COPB1: variants seen among roughly 807,000 people sequenced by gnomAD.
COPB1 encodes the protein coatomer subunit beta.
A neutral mutation model predicts 108.7 loss-of-function variants in COPB1; 21 were observed. The observed-to-expected ratio is 0.19, with a 90% CI of 0.14 to 0.28. COPB1 has a LOEUF of 0.28. Ranked by LOEUF, COPB1 falls within the 10% of genes least tolerant of loss-of-function variation. COPB1 has a pLI of 1.00. For synonymous variants in COPB1, 378 were observed against 386.8 expected, an observed-to-expected ratio of 0.98 and a Z score of 0.27; for missense variants, 919 against 1,141.3, an observed-to-expected ratio of 0.81 and a Z score of 2.81.
At chr11:14,484,529 C>G (rs1220198991) in intron 7 of COPB1, among the ~76,000 whole-genome samples, 2 of 152,094 alleles carry the variant, frequency 1.3e-5, no homozygotes, top group African/African-American at 2.4e-5. Context: ...ACCATTCTGG[C>G]CAACATGGTG....
chr11:14,472,812 CT>C (rs1340978717), intron 14 of COPB1, among the ~76,000 whole-genome samples: 1 of 152,194 alleles, frequency 6.6e-6, no homozygotes, highest in African/African-American at 2.4e-5. Context: ...TCAAACTCTT[CT>C]TCTGAAGCTT....
chr11:14,471,109 C>T (rs1850393539), intron 14 of COPB1, among the ~76,000 whole-genome samples: 2 of 152,068 alleles, frequency 1.3e-5, no homozygotes, highest in South Asian at 2.1e-4. Flanking sequence ...AAAAAATAGG[C>T]TTTTTCCAGA....
At chr11:14,496,470 T>G (rs1479565817) in intron 2 of COPB1, among the ~76,000 whole-genome samples, 1 of 152,078 alleles carries the variant, frequency 6.6e-6, no homozygotes, top group Admixed American at 6.6e-5. Flanking sequence ...CAGATAAAAT[T>G]AGATACCTAG....
intron 18 of COPB1, 89 bp from the exon 19 acceptor site, chr11:14,461,420 C>T (rs1282332465): frequency 2.3e-6 from 3 of 1,311,476 alleles, no homozygotes; most frequent in African/African-American, 1.5e-5. Context: ...AAGAACTACA[C>T]TATTAACAAT....
At chr11:14,471,201 T>TA (rs1850395326) in intron 14 of COPB1, among the ~76,000 whole-genome samples, 1 of 152,186 alleles carries the variant, frequency 6.6e-6, no homozygotes, top group South Asian at 2.1e-4. Context: ...AGATGTATGA[T>TA]ACCAGAAACT....
intron 6 of COPB1, among the ~76,000 whole-genome samples, chr11:14,487,143 C>T (rs1242282318): frequency 2.0e-5 from 3 of 152,134 alleles, no homozygotes; most frequent in Non-Finnish European, 2.9e-5. Context: ...ATTTCTATCC[C>T]ATTCTAAATG....
intron 17 of COPB1, 89 bp downstream of exon 17, chr11:14,466,193 T>C (rs1850276556): frequency 2.4e-6 from 3 of 1,263,140 alleles, no homozygotes; most frequent in African/African-American, 1.5e-5. Context: ...TTCAAGAGAA[T>C]TTTTATACTG....
At chr11:14,482,514 A>G (rs1850681549) in intron 8 of COPB1, among the ~76,000 whole-genome samples, 3 of 152,200 alleles carry the variant, frequency 2.0e-5, no homozygotes, top group African/African-American at 7.2e-5. Flanking sequence ...ATAAAAAAAT[A>G]TAATACTGAT....
rs1226794178 is a variant in COPB1, at chr11:14,458,604, G to A, written c.2730C>T (p.Ser910=). The change falls in exon 21 of 22, where the codon AGC becomes AGT. Residue 910 remains serine, a synonymous_variant. Coordinates refer to ENST00000439561, the MANE Select transcript of COPB1 (RefSeq NM_001144061.2). ...IFGEDALANV[S]IEKPIHQGPD... ...GTCCCTGGTGAATTGGCTTCTCAAT[G>A]CTGACATTTGCAAGTGCATCTTCAC... 1.2e-6 allele frequency: 2 copies of A among 1,613,812 alleles called. No homozygotes were observed. Among genetic ancestry groups the A allele is most frequent in the Admixed American group, 3.3e-5 (2 of 59,976 alleles).
At chr11:14,499,091 T>C in intron 1 of COPB1, 106 bp from the exon 2 acceptor site, 2 of 556,498 alleles carry the variant, frequency 3.6e-6, no homozygotes, top group East Asian at 3.1e-5. Flanking sequence ...GGTCAATCTA[T>C]ATCGTGTTCC....
chr11:14,474,150 C>T (rs997084539), intron 14 of COPB1: 4 of 172,592 alleles, frequency 2.3e-5, no homozygotes, highest in Admixed American at 5.7e-5. Flanking sequence ...CAGACAATGA[C>T]CGAATGGATG....
In COPB1 at chr11:14,462,681, AT is replaced by A. The variant is rs1163713282; in HGVS notation, c.2411-1351del. Among the ~76,000 whole-genome samples the A allele has an allele frequency of 2.6e-5, 4 of 152,296 alleles. No homozygotes were observed. The East Asian group carries it at 7.7e-4, about 29-fold the overall frequency. ...TCTCACATCCTTCCCTCTCATACGTATCAGAGAAGTACTACCTCATTTCTTC... is the reference window on the plus strand; with the variant it reads ...TCTCACATCCTTCCCTCTCATACGTACAGAGAAGTACTACCTCATTTCTTC... On this transcript the variant is annotated intron_variant, in intron 18 of 21. Transcript: ENST00000439561.
chr11:14,483,121 T>C lies in COPB1; in HGVS notation c.868A>G (p.Ile290Val). 1.3e-6 allele frequency: 2 copies of C among 1,587,122 alleles called. No homozygotes were observed. The highest frequency in any genetic ancestry group is 1.7e-6 in the Non-Finnish European group (2 of 1,159,044). ...AAAQCYIDLI[I>V]KESDNNVKLI... ...TTTACATTGTTGTCGCTCTCCTTAA[T>C]AATTAAATCAATGTAACACTGAGCA... Residue 290 changes from isoleucine (I) to valine (V), a missense_variant, in exon 8 of 22, where the codon ATT becomes GTT. Coordinates refer to ENST00000439561, the MANE Select transcript of COPB1 (RefSeq NM_001144061.2).
intron 17 of COPB1, among the ~76,000 whole-genome samples, chr11:14,465,735 G>A (rs1253041928): frequency 6.6e-6 from 1 of 152,106 alleles, no homozygotes; most frequent in Non-Finnish European, 1.5e-5. Context: ...CTTAACACTT[G>A]CATAAGCCAT....
chr11:14,468,638 G>T, intron 16 of COPB1, 43 bp downstream of exon 16: 1 of 1,565,986 alleles, frequency 6.4e-7, no homozygotes. Context: ...CTTCCTTAAG[G>T]AGTCGATTTA....
chr11:14,475,687 G>C (rs1042782762), intron 13 of COPB1, 98 bp downstream of exon 13: 1 of 1,249,062 alleles, frequency 8.0e-7, no homozygotes, highest in Admixed American at 2.9e-5. Context: ...TTTCATTTTG[G>C]TTGCAAAAGC....
At position 14,479,599 on chromosome 11, in the gene COPB1, A is replaced by G; in HGVS notation, c.1328T>C (p.Leu443Pro). 3.7e-6 allele frequency: 6 copies of G among 1,612,602 alleles called. No individual in the cohort carries two copies. The highest frequency in any genetic ancestry group is 5.1e-6 in the Non-Finnish European group (6 of 1,179,436). The change falls in exon 11 of 22, where the codon CTT (leucine) becomes CCT (proline). Residue 443 changes from leucine to proline, a missense_variant. This residue lies in a region of COPB1 where 705 missense variants were observed against 817.8 expected (regional missense o/e 0.86). Coordinates refer to ENST00000439561, the MANE Select transcript of COPB1 (RefSeq NM_001144061.2). ...NLRMLIVEKM[L>P]EVFHAIKSVK... ...AGATTTAATAGCATGAAAGACTTCA[A>G]GCATCTTCTCAACAATAAGCATTCT...
chr11:14,463,464 G>A (rs1481208555), intron 18 of COPB1, among the ~76,000 whole-genome samples: 5 of 152,122 alleles, frequency 3.3e-5, no homozygotes, highest in East Asian at 1.9e-4. Flanking sequence ...GACTACAGGC[G>A]TGCGCCATTA....
At position 14,490,607 on chromosome 11, in the gene COPB1, A is replaced by T; in HGVS notation, c.564T>A (p.Ser188Arg). 1 of 1,613,224 alleles carries T rather than the reference A, an allele frequency of 6.2e-7. No individual in the cohort carries two copies. Among genetic ancestry groups the T allele is most frequent in the Non-Finnish European group, 8.5e-7 (1 of 1,179,640 alleles). The change falls in exon 5 of 22, where the codon AGT becomes AGA. Residue 188 changes from serine (S) to arginine (R), a missense_variant. By Grantham distance (110) the Ser-to-Arg change is moderately radical. This residue lies in a region of COPB1 where 78 missense variants were observed against 95.4 expected (regional missense o/e 0.82). Transcript: ENST00000439561. ...HDFLVNEKDA[S>R]CKRNAFMMLI... ...GCATCATAAATGCATTCCTTTTGCA[A>T]CTTGCATCCTTCTCATTCACCAGAA... is the stretch of plus-strand genomic sequence containing the variant.
Sources: allele counts gnomAD v4.1 joint callset (sites outside exome capture counted in the v4.1 genomes callset), GRCh38; gene constraint gnomAD v4.1.1; regional missense constraint gnomAD v4.1.1; transcripts MANE v1.5; gene names NCBI Gene and HGNC (gene_info 2026-07-23, HGNC 2026-07-21).